The following FNDC1 variants were observed in gnomAD, a reference collection of about 807,000 sequenced individuals.
The protein encoded by FNDC1 is fibronectin type III domain-containing protein 1.
FNDC1 carries 96 observed loss-of-function variants against 168.0 expected under a neutral mutation model. That is an observed-to-expected ratio of 0.57 (90% CI 0.48 to 0.68). The LOEUF (loss-of-function observed/expected upper bound fraction) is 0.68, where lower values mean the gene tolerates loss of function less well. Among genes scored for constraint, FNDC1 ranks in the 30% least tolerant of loss-of-function variants. The probability of loss-of-function intolerance (pLI) is 0.00; values close to 1 mark genes in which losing one functional copy is unlikely to be tolerated. For missense variants in FNDC1, 2,587 were observed against 2,482.1 expected, an observed-to-expected ratio of 1.04 and a Z score of -0.90; for synonymous variants, 1,099 against 1,025.9, an observed-to-expected ratio of 1.07 and a Z score of -1.36.
intron 14 of FNDC1, among the ~76,000 whole-genome samples, chr6:159,245,489 T>TA (rs2115007980): frequency 6.6e-6 from 1 of 152,300 alleles, no homozygotes; most frequent in East Asian, 1.9e-4. Flanking sequence ...CCTACAATTT[T>TA]TTTTTTAGCT....
At chr6:159,255,082 T>G (rs925748433) in intron 17 of FNDC1, among the ~76,000 whole-genome samples, 2 of 152,212 alleles carry the variant, frequency 1.3e-5, no homozygotes, top group Non-Finnish European at 2.9e-5. Context: ...GAGAGATGTG[T>G]TGAATATGCA....
chr6:159,203,594 T>G (rs1782421340), intron 4 of FNDC1, among the ~76,000 whole-genome samples: 1 of 152,220 alleles, frequency 6.6e-6, no homozygotes. Context: ...CGGAAAGCTT[T>G]CTTTGTACTT....
chr6:159,200,149 C>A, intron 3 of FNDC1, 67 bp downstream of exon 3: 1 of 1,139,868 alleles, frequency 8.8e-7, no homozygotes, highest in Non-Finnish European at 1.3e-6. Context: ...TCCCTCCTTG[C>A]TTCTTCCAGT....
intron 1 of FNDC1, among the ~76,000 whole-genome samples, chr6:159,180,897 G>A (rs1450769453): frequency 6.6e-6 from 1 of 152,078 alleles, no homozygotes; most frequent in Non-Finnish European, 1.5e-5. Flanking sequence ...TGATAGACTG[G>A]GTTGATTTCA....
chr6:159,212,961 C>T (rs1183446452), intron 4 of FNDC1, among the ~76,000 whole-genome samples: 1 of 152,218 alleles, frequency 6.6e-6, no homozygotes, highest in African/African-American at 2.4e-5. Flanking sequence ...TGTCTGTCAG[C>T]TACTACTTCC....
At chr6:159,170,965 A>G (rs1335517761) in intron 1 of FNDC1, among the ~76,000 whole-genome samples, 1 of 152,102 alleles carries the variant, frequency 6.6e-6, no homozygotes, top group East Asian at 1.9e-4. Flanking sequence ...AAATTTTCAG[A>G]GTGCTGGAAG....
At chr6:159,206,309 C>A (rs930394783) in intron 4 of FNDC1, among the ~76,000 whole-genome samples, 1 of 152,236 alleles carries the variant, frequency 6.6e-6, no homozygotes, top group African/African-American at 2.4e-5. Context: ...TTAATGCTGT[C>A]TGTGACATTA....
In FNDC1 at chr6:159,233,529, C is replaced by A; in HGVS notation, c.3017C>A (p.Pro1006His). The A allele has an allele frequency of 6.3e-7, 1 of 1,597,908 alleles. No homozygotes were observed. The highest frequency in any genetic ancestry group is 8.5e-7 in the Non-Finnish European group (1 of 1,175,666). Reference sequence around the variant, plus strand: ...CCCGGCCGGGCCCCACAACAGCAGCCCCCTCCTCCCGTCGCCACGTCCCAG... The same window carrying A: ...CCCGGCCGGGCCCCACAACAGCAGCACCCTCCTCCCGTCGCCACGTCCCAG... ...MTPGRAPQQQ[P>H]PPPVATSQHH... is the part of the protein sequence containing the mutation. The change falls in exon 11 of 23, where the codon CCC becomes CAC. Residue 1006 changes from proline (P) to histidine (H), a missense_variant. Transcript: ENST00000297267. This position sits in a 1 kb window ranked among gnomAD's most constrained non-coding sequence, Gnocchi z 4.6.
chr6:159,222,494 G>A (rs186560437), intron 6 of FNDC1, among the ~76,000 whole-genome samples: 112 of 152,232 alleles, frequency 7.4e-4, no homozygotes, highest in South Asian at 4.2e-3. Flanking sequence ...TCCCTGAAAA[G>A]TGAAAAGAAA....
intron 1 of FNDC1, among the ~76,000 whole-genome samples, chr6:159,177,561 T>G (rs1222802346): frequency 6.6e-6 from 1 of 151,944 alleles, no homozygotes; most frequent in Non-Finnish European, 1.5e-5. Flanking sequence ...GGGCTCACTG[T>G]GAGCCCCTTC....
At chr6:159,242,314 A>T (rs983746127) in intron 14 of FNDC1, among the ~76,000 whole-genome samples, 1 of 152,146 alleles carries the variant, frequency 6.6e-6, no homozygotes, top group Non-Finnish European at 1.5e-5. Context: ...GGTGAACAAC[A>T]TACAGTGGCG....
At position 159,197,548 on chromosome 6, in the gene FNDC1, C is replaced by T; in HGVS notation, c.227C>T (p.Ala76Val). The T allele has an allele frequency of 6.2e-7, 1 of 1,613,942 alleles. No homozygotes were observed. Among genetic ancestry groups the T allele is most frequent in the Non-Finnish European group, 8.5e-7 (1 of 1,179,860 alleles). The change falls in exon 2 of 23, where the codon GCC becomes GTC. Residue 76 changes from alanine (A) to valine (V), a missense_variant. Ala to Val is a moderately conservative substitution (Grantham distance 64). Transcript: ENST00000297267. ...AGACCTGTGGAGCATTACAACATTG[C>T]CTATGGGAAGTCACTGAAAAGTCTT... ...TSRPVEHYNI[A>V]YGKSLKSLKY...
At chr6:159,209,587 A>G (rs111540804) in intron 4 of FNDC1, among the ~76,000 whole-genome samples, 153 of 152,312 alleles carry the variant, frequency 1.0e-3, no homozygotes, top group African/African-American at 3.6e-3. Flanking sequence ...AGGATCCTGG[A>G]AGGCAGGAAG....
intron 1 of FNDC1, among the ~76,000 whole-genome samples, chr6:159,195,016 G>T (rs1342261680): frequency 1.3e-5 from 2 of 152,050 alleles, no homozygotes; most frequent in South Asian, 2.1e-4. Context: ...TGTTTAACAG[G>T]TCCAGTCTGT....
intron 21 of FNDC1, among the ~76,000 whole-genome samples, chr6:159,267,312 A>G (rs931878104): frequency 5.3e-5 from 8 of 152,206 alleles, no homozygotes; most frequent in Middle Eastern, 6.8e-3. Flanking sequence ...ACCATGTGTC[A>G]TATCCCAGAA....
At chr6:159,230,171 G>T (rs376828054) in intron 10 of FNDC1, among the ~76,000 whole-genome samples, 168 bp downstream of exon 10, 15 of 152,138 alleles carry the variant, frequency 9.9e-5, no homozygotes, top group South Asian at 4.2e-4. Context: ...TTAGAAATTA[G>T]TCTTCTCAAA....
chr6:159,181,489 A>G (rs2114924489), intron 1 of FNDC1, among the ~76,000 whole-genome samples: 1 of 152,352 alleles, frequency 6.6e-6, no homozygotes, highest in African/African-American at 2.4e-5. Context: ...GGGGTTACAA[A>G]GATTTAGTAA....
chr6:159,252,215 T>C (rs906185149), intron 17 of FNDC1, among the ~76,000 whole-genome samples: 2 of 151,792 alleles, frequency 1.3e-5, no homozygotes, highest in African/African-American at 4.9e-5. Flanking sequence ...CTGTGAATAA[T>C]TGCAAATTTT....
chr6:159,186,071 A>G (rs116942979), intron 1 of FNDC1, among the ~76,000 whole-genome samples: 3,869 of 152,336 alleles, frequency 0.025, 76 homozygotes, highest in Non-Finnish European at 0.037. Context: ...TGAGCAAATT[A>G]CAGTCAGTTC....
Sources: gnomAD v4.1 joint callset for allele counts (sites outside exome capture counted in the v4.1 genomes callset) on GRCh38, gnomAD v4.1.1 for gene constraint, Gnocchi (gnomAD v3.1) non-coding constraint, MANE v1.5 for transcripts, NCBI Gene and HGNC (gene_info 2026-07-23, HGNC 2026-07-21) for gene names.